FUT9: variants seen among roughly 807,000 people sequenced by gnomAD.
FUT9 encodes the protein fucosyltransferase 9.
FUT9 carries 15 observed loss-of-function variants against 29.7 expected under a neutral mutation model. The observed-to-expected ratio is 0.51, with a 90% CI of 0.34 to 0.78. The LOEUF (loss-of-function observed/expected upper bound fraction) is 0.78, where lower values mean the gene tolerates loss of function less well. FUT9 is among the 30% of genes least tolerant of loss of function. The pLI, the probability that FUT9 is intolerant of heterozygous loss-of-function variation, is 0.01. For missense variants in FUT9, 319 were observed against 425.4 expected, an observed-to-expected ratio of 0.75 and a Z score of 2.20; for synonymous variants, 169 against 153.7, an observed-to-expected ratio of 1.10 and a Z score of -0.74.
Position 96,203,614 on chromosome 6 carries a change from C to T in FUT9, c.459C>T (p.Asn153=), listed in dbSNP as rs760109451. Residue 153 remains asparagine, a synonymous_variant, in exon 3 of 3, where the codon AAC becomes AAT. Transcript: ENST00000302103. ...PQKSGIEHLF[N]LTLTYRRDSD... ...AGAGTGGCATTGAGCACTTGTTTAA[C>T]CTGACTCTGACTTACCGCCGTGATT... 3.1e-6 allele frequency: 5 copies of T among 1,613,882 alleles called. No individual in the cohort carries two copies. Among genetic ancestry groups the T allele is most frequent in the Admixed American group, 3.3e-5 (2 of 59,936 alleles).
chr6:96,073,555 T>TATAG (rs2127948297), intron 1 of FUT9, among the ~76,000 whole-genome samples: 1 of 151,932 alleles, frequency 6.6e-6, no homozygotes, highest in Admixed American at 6.6e-5. Flanking sequence ...TTCAATAGGA[T>TATAG]ATAGGATAAG....
In FUT9 at chr6:96,204,868, G is replaced by A. The variant is rs1030400749; in HGVS notation, c.*633G>A. ...ACTTCTCATTTATTTTCATTAAGCT[G>A]ATTTGCAGCTACTTATTCTCATGGT... is the stretch of plus-strand genomic sequence containing the variant. On this transcript the variant is annotated 3_prime_UTR_variant, in exon 3 of 3. Coordinates refer to ENST00000302103, the MANE Select transcript of FUT9 (RefSeq NM_006581.4). 6.0e-6 allele frequency: 1 copy of A among 165,358 alleles called. No individual in the cohort carries two copies. Among genetic ancestry groups the A allele is most frequent in the Admixed American group, 6.6e-5 (1 of 15,252 alleles). The allele number at this position is 165,358 out of a possible 1,614,324, so 10.2% of individuals were successfully genotyped here.
chr6:96,203,028 A>G, intron 2 of FUT9, 120 bp from the exon 3 acceptor site: 3 of 720,130 alleles, frequency 4.2e-6, no homozygotes, highest in Non-Finnish European at 4.4e-6. Flanking sequence ...GAAAAGGAAA[A>G]TGCAGTTGAT....
intron 1 of FUT9, among the ~76,000 whole-genome samples, chr6:96,035,971 A>C (rs1185774893): frequency 1.0e-3 from 68 of 66,714 alleles, no homozygotes; most frequent in African/African-American, 4.3e-3. Flanking sequence ...AATATAATAT[A>C]ATACATTATG....
chr6:96,125,198 A>G (rs1373496320), intron 2 of FUT9, among the ~76,000 whole-genome samples: 4 of 152,214 alleles, frequency 2.6e-5, no homozygotes, highest in Admixed American at 2.6e-4. Flanking sequence ...ACCCAGGAGG[A>G]GCTACATAAT....
Position 96,203,575 on chromosome 6 carries a change from T to C in FUT9, c.420T>C (p.Thr140=), listed in dbSNP as rs1345432892. 6.2e-7 allele frequency: 1 copy of C among 1,613,762 alleles called. No homozygotes were observed. The highest frequency in any genetic ancestry group is 1.3e-5 in the African/African-American group (1 of 74,876). The change falls in exon 3 of 3, where the codon ACT becomes ACC. Residue 140 remains threonine, a synonymous_variant. Transcript: ENST00000302103. ...TTTGGATGAATTTGGAATCACCAACTCACACTCCCCAAAAGAGTGGCATTG... is the reference window on the plus strand; with the variant it reads ...TTTGGATGAATTTGGAATCACCAACCCACACTCCCCAAAAGAGTGGCATTG... The part of the protein sequence containing the change: ...KWIWMNLESP[T]HTPQKSGIEH...
chr6:96,021,961 C>A (rs757945770), intron 1 of FUT9, among the ~76,000 whole-genome samples: 2 of 151,970 alleles, frequency 1.3e-5, no homozygotes, highest in Non-Finnish European at 2.9e-5. Flanking sequence ...AAAATAAGGT[C>A]TTCAATTTTT....
At chr6:96,028,018 A>T (rs6925964) in intron 1 of FUT9, among the ~76,000 whole-genome samples, 10,363 of 151,692 alleles carry the variant, frequency 0.068, 425 homozygotes, top group Admixed American at 0.12. Flanking sequence ...AAAAGGTTGG[A>T]GTGAATCAAA....
intron 1 of FUT9, among the ~76,000 whole-genome samples, chr6:96,087,523 T>C (rs1200655713): frequency 6.6e-6 from 1 of 151,860 alleles, no homozygotes; most frequent in African/African-American, 2.4e-5. Context: ...CGTGCCACAA[T>C]GCCCAGCTAA....
intron 1 of FUT9, among the ~76,000 whole-genome samples, chr6:96,085,321 C>T (rs1396853128): frequency 6.6e-6 from 1 of 152,142 alleles, no homozygotes; most frequent in Non-Finnish European, 1.5e-5. Flanking sequence ...GAGTTGATGT[C>T]TATAATCTAT....
intron 2 of FUT9, among the ~76,000 whole-genome samples, chr6:96,173,077 A>G (rs1192683449): frequency 6.6e-6 from 1 of 152,140 alleles, no homozygotes; most frequent in Admixed American, 6.6e-5. Flanking sequence ...GGAATAGTAC[A>G]TGAGTAATTA....
chr6:96,109,227 A>G (rs1266526546), intron 1 of FUT9, among the ~76,000 whole-genome samples: 5 of 152,176 alleles, frequency 3.3e-5, no homozygotes, highest in African/African-American at 9.6e-5. Context: ...TCAGTTTTCA[A>G]TATATCTGAG....
rs2127993881 is a variant in FUT9 at position 96,211,911 on chromosome 6, T to C, written c.*7676T>C. On this transcript the variant is annotated 3_prime_UTR_variant, in exon 3 of 3. Coordinates refer to ENST00000302103, the MANE Select transcript of FUT9 (RefSeq NM_006581.4). Reference sequence around the variant, plus strand: ...TGAGTTCTCTGGAAACCAAACAATTTTGAATTAGTTGTGTAAGTAAAGTAA... The same window carrying C: ...TGAGTTCTCTGGAAACCAAACAATTCTGAATTAGTTGTGTAAGTAAAGTAA... 1 of 405,738 alleles carries C rather than the reference T, an allele frequency of 2.5e-6. No homozygotes were observed. The highest frequency in any genetic ancestry group is 3.6e-5 in the East Asian group (1 of 27,786). The allele number at this position is 405,738 out of a possible 1,614,324, so 25.1% of individuals were successfully genotyped here.
rs983552815 is a variant in FUT9, at chr6:96,079,887, A to G, written c.-97-34152A>G. ...TAAATTTAATAAACTCTAAGAAAAT[A>G]AAAGTTTACTAGGGGAAAATAAAAA... On this transcript the variant is annotated intron_variant, in intron 1 of 2. Coordinates refer to ENST00000302103, the MANE Select transcript of FUT9 (RefSeq NM_006581.4). 7.9e-5 allele frequency among the ~76,000 whole-genome samples: 12 copies of G among 152,246 alleles called. No individual in the cohort carries two copies. In the East Asian group the frequency reaches 1.4e-3, roughly 17 times the overall value.
chr6:96,201,610 C>T (rs185179219), intron 2 of FUT9, among the ~76,000 whole-genome samples: 2 of 151,938 alleles, frequency 1.3e-5, no homozygotes, highest in African/African-American at 2.4e-5. Flanking sequence ...GCTTGTAGAA[C>T]CTTCAGTGTC....
In FUT9 at chr6:96,208,493, T is replaced by C. The variant is rs1773875808; in HGVS notation, c.*4258T>C. 2.4e-5 allele frequency: 4 copies of C among 166,848 alleles called. No homozygotes were observed. Among genetic ancestry groups the C allele is most frequent in the Admixed American group, 1.3e-4 (2 of 15,250 alleles). The allele number at this position is 166,848 out of a possible 1,614,324, so 10.3% of individuals were successfully genotyped here. A position where few individuals can be genotyped will look rare whatever the true frequency, so the allele number is the denominator to read the frequency against. On this transcript the variant is annotated 3_prime_UTR_variant, in exon 3 of 3. Transcript: ENST00000302103. ...ACAGGAGGGTCATATCAAATACTTG[T>C]TGAATAAATACATGAATGTGATAAG...
chr6:96,194,750 A>G (rs549713377), intron 2 of FUT9, among the ~76,000 whole-genome samples: 28 of 152,078 alleles, frequency 1.8e-4, no homozygotes, highest in Middle Eastern at 3.2e-3. Flanking sequence ...AAACCTGACA[A>G]TAATCACAGA....
intron 1 of FUT9, among the ~76,000 whole-genome samples, chr6:96,017,511 C>A (rs1245089768): frequency 6.6e-6 from 1 of 152,120 alleles, no homozygotes; most frequent in African/African-American, 2.4e-5. Flanking sequence ...AAAATTTGTG[C>A]TCTCAATTTC....
chr6:96,196,423 AC>A (rs1175002977), intron 2 of FUT9, among the ~76,000 whole-genome samples: 2 of 152,072 alleles, frequency 1.3e-5, no homozygotes, highest in Non-Finnish European at 2.9e-5. Context: ...ATAATAATAA[AC>A]AAAGGAGGGA....
Sources: allele counts gnomAD v4.1 joint callset (sites outside exome capture counted in the v4.1 genomes callset), GRCh38; gene constraint gnomAD v4.1.1; transcripts MANE v1.5; gene names NCBI Gene and HGNC (gene_info 2026-07-23, HGNC 2026-07-21).